Variants in PDE3A observed in about 807,000 individuals in gnomAD.
PDE3A encodes cGMP-inhibited 3',5'-cyclic phosphodiesterase 3A.
Under a neutral mutation model 98.3 loss-of-function variants are expected in PDE3A, and 43 were observed. The observed-to-expected ratio is 0.44, with a 90% CI of 0.34 to 0.56. The LOEUF (loss-of-function observed/expected upper bound fraction) is 0.56. Among genes scored for constraint, PDE3A ranks in the 20% least tolerant of loss-of-function variants. PDE3A has a pLI of 0.01. For synonymous variants in PDE3A, 663 were observed against 567.9 expected, an observed-to-expected ratio of 1.17 and a Z score of -2.38; for missense variants, 1,427 against 1,440.7, an observed-to-expected ratio of 0.99 and a Z score of 0.15.
At chr12:20,669,358 G>A (rs1462330401) in intron 15 of PDE3A, among the ~76,000 whole-genome samples, 1 of 151,986 alleles carries the variant, frequency 6.6e-6, no homozygotes, top group East Asian at 1.9e-4. Flanking sequence ...ACACCACAAA[G>A]ATACTCCTCA....
At chr12:20,396,229 C>G (rs1944015238) in intron 1 of PDE3A, among the ~76,000 whole-genome samples, 1 of 152,070 alleles carries the variant, frequency 6.6e-6, no homozygotes, top group South Asian at 2.1e-4. Context: ...TAAGGTTACC[C>G]CTTTTTGCTG....
chr12:20,638,292 A>C (rs1944565726), intron 9 of PDE3A, among the ~76,000 whole-genome samples: 1 of 152,160 alleles, frequency 6.6e-6, no homozygotes, highest in South Asian at 2.1e-4. Flanking sequence ...CTAGTGTTTG[A>C]TTCTACAAGC....
At chr12:20,409,116 T>A (rs886759453) in intron 1 of PDE3A, among the ~76,000 whole-genome samples, 4 of 152,276 alleles carry the variant, frequency 2.6e-5, no homozygotes, top group Non-Finnish European at 5.9e-5. Flanking sequence ...AGCCTCTTCA[T>A]CATCTCCTCA....
At position 20,556,159 on chromosome 12, in the gene PDE3A, G is replaced by A. The variant is rs191080783; in HGVS notation, c.961-501G>A. ...TTATAGGTTATTATTAAAAATCTAC[G>A]TTTTGTGACTATGTGGGCATATTTC... On this transcript the variant is annotated intron_variant, in intron 1 of 15. Transcript: ENST00000359062. Among the ~76,000 whole-genome samples the A allele has an allele frequency of 2.4e-3, 365 of 152,104 alleles. 1 individual carries two copies. The highest frequency in any genetic ancestry group is 3.0e-3 in the Non-Finnish European group (202 of 67,980).
chr12:20,493,968 A>G (rs1484924571), intron 1 of PDE3A, among the ~76,000 whole-genome samples: 4 of 152,220 alleles, frequency 2.6e-5, no homozygotes, highest in African/African-American at 9.6e-5. Flanking sequence ...ATTCCAATGT[A>G]TGGATATACC....
chr12:20,484,449 C>T (rs918335113), intron 1 of PDE3A, among the ~76,000 whole-genome samples: 4 of 152,118 alleles, frequency 2.6e-5, no homozygotes, highest in African/African-American at 9.7e-5. Flanking sequence ...AATTTCTCAT[C>T]ATATTGGGTA....
chr12:20,393,461 A>G (rs1415001333), intron 1 of PDE3A, among the ~76,000 whole-genome samples: 1 of 152,078 alleles, frequency 6.6e-6, no homozygotes, highest in Non-Finnish European at 1.5e-5. Context: ...TATGGGAGGT[A>G]CAATTCAAGA....
chr12:20,598,538 T>C (rs2121400512), intron 2 of PDE3A, among the ~76,000 whole-genome samples: 1 of 152,284 alleles, frequency 6.6e-6, no homozygotes. Flanking sequence ...AATTGGGGGC[T>C]ATTGAAATCA....
At chr12:20,594,993 TA>T (rs888858348) in intron 2 of PDE3A, among the ~76,000 whole-genome samples, 14 of 151,316 alleles carry the variant, frequency 9.3e-5, no homozygotes, top group South Asian at 8.3e-4. Flanking sequence ...ATACAGTTGG[TA>T]AAAAAAAATT....
At chr12:20,607,495 A>G (rs1288645740) in intron 2 of PDE3A, among the ~76,000 whole-genome samples, 1 of 152,038 alleles carries the variant, frequency 6.6e-6, no homozygotes, top group Non-Finnish European at 1.5e-5. Context: ...GAATTTACCA[A>G]AAGTATCAGT....
chr12:20,403,405 A>G (rs1944170183), intron 1 of PDE3A, among the ~76,000 whole-genome samples: 5 of 152,154 alleles, frequency 3.3e-5, no homozygotes, highest in Admixed American at 3.3e-4. Flanking sequence ...GCACTTAACC[A>G]TGCTTGTCAG....
intron 2 of PDE3A, among the ~76,000 whole-genome samples, chr12:20,601,816 GC>G (rs1318277998): frequency 2.6e-5 from 4 of 151,662 alleles, no homozygotes; most frequent in African/African-American, 9.7e-5. Context: ...TGTTAATGAG[GC>G]AGTAGCACTT....
intron 1 of PDE3A, among the ~76,000 whole-genome samples, chr12:20,468,893 G>A (rs180681762): frequency 5.3e-5 from 8 of 152,256 alleles, no homozygotes; most frequent in Admixed American, 5.2e-4. Flanking sequence ...AATTCTAGAG[G>A]AGAGTTTACT....
intron 1 of PDE3A, among the ~76,000 whole-genome samples, chr12:20,472,189 G>A (rs1945450736): frequency 6.6e-6 from 1 of 152,126 alleles, no homozygotes; most frequent in Admixed American, 6.6e-5. Context: ...TGTTTCCTAG[G>A]ACACTGGATA....
chr12:20,475,178 A>AGAGT (rs1555150179), intron 1 of PDE3A, among the ~76,000 whole-genome samples: 1 of 92,456 alleles, frequency 1.1e-5, no homozygotes, highest in Non-Finnish European at 2.4e-5. Flanking sequence ...AATGTGTGTG[A>AGAGT]GTGTGTGTGT....
Position 20,369,434 on chromosome 12 carries a change from G to C in PDE3A, c.150G>C (p.Leu50=), listed in dbSNP as rs959010115. The change falls in exon 1 of 16, where the codon CTG becomes CTC. Residue 50 remains leucine, a synonymous_variant. Transcript: ENST00000359062. The part of the protein sequence containing the change: ...DSGCRGCWGD[L]VLQPLRSSRK... ...GCTGCCGTGGCTGCTGGGGAGACCT[G>C]GTGCTGCAGCCGCTCCGGAGCTCTC... The C allele has an allele frequency of 2.2e-5, 34 of 1,555,502 alleles. No homozygotes were observed. The highest frequency in any genetic ancestry group is 2.7e-5 in the African/African-American group (2 of 73,318).
At chr12:20,646,340 A>T in intron 10 of PDE3A, 150 bp from the exon 11 acceptor site, 1 of 596,526 alleles carries the variant, frequency 1.7e-6, no homozygotes, top group South Asian at 2.2e-5. Context: ...ATGGAAGAGT[A>T]ATCAAATAAT....
At chr12:20,634,136 A>T (rs539517620) in intron 7 of PDE3A, among the ~76,000 whole-genome samples, 1 of 152,328 alleles carries the variant, frequency 6.6e-6, no homozygotes, top group African/African-American at 2.4e-5. Context: ...ATACATGTGT[A>T]TATTTTTAAA....
At chr12:20,402,230 G>A (rs988532064) in intron 1 of PDE3A, among the ~76,000 whole-genome samples, 2 of 152,078 alleles carry the variant, frequency 1.3e-5, no homozygotes, top group East Asian at 1.9e-4. Flanking sequence ...GCTCACTGCA[G>A]CCTCCGCCTC....
Sources: gnomAD v4.1 joint callset for allele counts (sites outside exome capture counted in the v4.1 genomes callset) on GRCh38, gnomAD v4.1.1 for gene constraint, MANE v1.5 for transcripts, NCBI Gene and HGNC (gene_info 2026-07-23, HGNC 2026-07-21) for gene names.